Variants in RYK observed in about 807,000 individuals in gnomAD.
RYK encodes inactive tyrosine-protein kinase RYK.
In RYK, 21 loss-of-function variants were observed where a neutral mutation model predicts 70.2. The ratio of observed to expected loss-of-function variants is 0.30; its 90% CI spans 0.21 to 0.43. The LOEUF (loss-of-function observed/expected upper bound fraction) is 0.43. Ranked by LOEUF, RYK falls within the 20% of genes least tolerant of loss-of-function variation. RYK has a pLI of 1.00. For synonymous variants in RYK, 267 were observed against 278.0 expected (o/e 0.96, Z 0.39); for missense variants, 604 against 753.3 (o/e 0.80, Z 2.32).
chr3:134,226,485 C>T (rs2014914187), intron 1 of RYK, among the ~76,000 whole-genome samples: 1 of 152,142 alleles, frequency 6.6e-6, no homozygotes, highest in African/African-American at 2.4e-5. Context: ...TACTTCCTAA[C>T]TCATCTGATG....
rs1159348285 is a variant in RYK, at chr3:134,159,509, AT to A, written c.1576-137del. On this transcript the variant is annotated intron_variant, in intron 13 of 14. Coordinates refer to ENST00000623711, the MANE Select transcript of RYK (RefSeq NM_002958.4). ...AAAGCGAAATGTTATTTACAAAAAAATGTCTATCATACACAGTTAGTTTCCC... is the reference window on the plus strand; with the variant it reads ...AAAGCGAAATGTTATTTACAAAAAAAGTCTATCATACACAGTTAGTTTCCC... The A allele has an allele frequency of 4.0e-6, 3 of 751,562 alleles. No homozygotes were observed. In the African/African-American group the frequency reaches 5.3e-5, roughly 13 times the overall value. The allele number at this position is 751,562 out of a possible 1,614,324, so 46.6% of individuals were successfully genotyped here.
chr3:134,244,120 G>A (rs1368151403), intron 1 of RYK, among the ~76,000 whole-genome samples: 2 of 152,096 alleles, frequency 1.3e-5, no homozygotes, highest in Non-Finnish European at 1.5e-5. Context: ...TTTCTAACTG[G>A]TGGGAGATGG....
chr3:134,182,926 A>C (rs969258689), intron 10 of RYK, 76 bp downstream of exon 10: 1 of 852,416 alleles, frequency 1.2e-6, no homozygotes, highest in Non-Finnish European at 1.8e-6. Context: ...AAGTCATCAC[A>C]ATGTTCTGCA....
intron 2 of RYK, among the ~76,000 whole-genome samples, chr3:134,212,701 T>A (rs1311491682): frequency 6.6e-6 from 1 of 152,022 alleles, no homozygotes; most frequent in Non-Finnish European, 1.5e-5. Context: ...GCTAACGAAA[T>A]GGTACATAAT....
intron 2 of RYK, among the ~76,000 whole-genome samples, chr3:134,216,041 A>G (rs2014542383): frequency 6.6e-6 from 1 of 151,764 alleles, no homozygotes; most frequent in Admixed American, 6.6e-5. Flanking sequence ...GTCTCAAAAA[A>G]AAAAAGAAAA....
At chr3:134,186,064 A>C (rs2013448262) in intron 9 of RYK, among the ~76,000 whole-genome samples, 1 of 152,214 alleles carries the variant, frequency 6.6e-6, no homozygotes, top group African/African-American at 2.4e-5. Flanking sequence ...TAAAAGTTAC[A>C]AGGATGCACA....
In RYK at chr3:134,250,435, G is replaced by A; in HGVS notation, c.220C>T (p.Arg74Cys). 7.1e-7 allele frequency: 1 copy of A among 1,406,312 alleles called. No individual in the cohort carries two copies. Among genetic ancestry groups the A allele is most frequent in the South Asian group, 1.5e-5 (1 of 67,768 alleles). 87.1% of individuals were successfully genotyped at this position (1,406,312 alleles called of 1,614,324 possible). A position where few individuals can be genotyped will look rare whatever the true frequency, so the allele number is the denominator to read the frequency against. ...VSLYLSEDEV[R>C]RLIGLDAELY... is the part of the protein sequence containing the mutation. Reference sequence around the variant, plus strand: ...CGGCCCCACTCACCGATCAGCCGGCGCACCTCGTCCTCGCTCAGGTAGAGA... The same window carrying A: ...CGGCCCCACTCACCGATCAGCCGGCACACCTCGTCCTCGCTCAGGTAGAGA... Residue 74 changes from arginine to cysteine, a missense_variant, in exon 1 of 15, where the codon CGC (arginine) becomes TGC (cysteine). This residue lies in a region of RYK where 466 missense variants were observed against 535.9 expected (regional missense o/e 0.87). Coordinates refer to ENST00000623711, the MANE Select transcript of RYK (RefSeq NM_002958.4).
chr3:134,226,141 C>A (rs1378868382), intron 1 of RYK, among the ~76,000 whole-genome samples: 1 of 151,904 alleles, frequency 6.6e-6, no homozygotes, highest in East Asian at 1.9e-4. Flanking sequence ...AAACCCTTCA[C>A]AAGGCTGATC....
chr3:134,245,831 C>T (rs947323782), intron 1 of RYK, among the ~76,000 whole-genome samples: 4 of 152,064 alleles, frequency 2.6e-5, no homozygotes, highest in East Asian at 1.9e-4. Context: ...TGTTGATATT[C>T]GGGGCAGACT....
chr3:134,165,745 G>T (rs369352205), intron 13 of RYK, among the ~76,000 whole-genome samples: 1 of 152,130 alleles, frequency 6.6e-6, no homozygotes, highest in Admixed American at 6.5e-5. Context: ...TTGTTTGTTC[G>T]GTTAGGTTTT....
intron 2 of RYK, among the ~76,000 whole-genome samples, chr3:134,216,946 AAAAG>A (rs1343947268): frequency 6.6e-6 from 1 of 152,156 alleles, no homozygotes; most frequent in Non-Finnish European, 1.5e-5. Flanking sequence ...GGTCTTGTGA[AAAAG>A]AAGCAATACC....
In RYK at chr3:134,201,801, G is replaced by A. The variant is rs146646896; in HGVS notation, c.788+929C>T. Among the ~76,000 whole-genome samples, 611 of 152,328 alleles carry A rather than the reference G, an allele frequency of 4.0e-3. 7 individuals carry two copies. The highest frequency in any genetic ancestry group is 0.013 in the African/African-American group (541 of 41,584). On this transcript the variant is annotated intron_variant, in intron 6 of 14. Transcript: ENST00000623711. ...AAGGTTCAAAGAGTATGGATGATAC[G>A]TCTCCACATAAAGGAGGGCTTTCAA...
At chr3:134,218,579 T>A (rs1028226818) in intron 2 of RYK, among the ~76,000 whole-genome samples, 2 of 152,190 alleles carry the variant, frequency 1.3e-5, no homozygotes, top group Non-Finnish European at 2.9e-5. Flanking sequence ...ACAGCAGCAC[T>A]GTGACAGGTC....
At chr3:134,169,370 T>A (rs1056858060) in intron 13 of RYK, among the ~76,000 whole-genome samples, 1 of 152,060 alleles carries the variant, frequency 6.6e-6, no homozygotes. Flanking sequence ...AAGATGTAAA[T>A]CAAGAACTCT....
chr3:134,228,513 T>A (rs1177969254), intron 1 of RYK, among the ~76,000 whole-genome samples: 2 of 152,038 alleles, frequency 1.3e-5, no homozygotes, highest in African/African-American at 2.4e-5. Flanking sequence ...ATTCAACTTT[T>A]AAAAAAATGG....
At chr3:134,175,847 C>T in intron 12 of RYK, 79 bp from the exon 13 acceptor site, 2 of 1,561,406 alleles carry the variant, frequency 1.3e-6, no homozygotes, top group South Asian at 1.1e-5. Flanking sequence ...AAATACAACA[C>T]AAGTCCCACT....
At chr3:134,191,808 T>A (rs1245592839) in intron 8 of RYK, 41 bp downstream of exon 8, 2 of 1,550,934 alleles carry the variant, frequency 1.3e-6, no homozygotes, top group Non-Finnish European at 1.8e-6. Context: ...AGTGGTAACA[T>A]TAAATCATAC....
rs992392747 is a variant in RYK at position 134,224,599 on chromosome 3, C to T, written c.233-2060G>A. Among the ~76,000 whole-genome samples the T allele has an allele frequency of 2.0e-5, 3 of 152,292 alleles. No homozygotes were observed. The South Asian group carries it at 6.2e-4, about 32-fold the overall frequency. ...TGGAGCAGAGTCTTCTCTAACTCCC[C>T]CGGGGAAAGGGAGAGTCCCTTTCCT... On this transcript the variant is annotated intron_variant, in intron 1 of 14. Transcript: ENST00000623711.
chr3:134,216,662 G>A (rs752780950), intron 2 of RYK, among the ~76,000 whole-genome samples: 41 of 151,554 alleles, frequency 2.7e-4, no homozygotes, highest in African/African-American at 9.4e-4. Flanking sequence ...GCATGGTAGC[G>A]GGCGCCTGTT....
Sources: gnomAD v4.1 joint callset for allele counts (sites outside exome capture counted in the v4.1 genomes callset) on GRCh38, gnomAD v4.1.1 for gene constraint, gnomAD v4.1.1 regional missense constraint, MANE v1.5 for transcripts, NCBI Gene and HGNC (gene_info 2026-07-23, HGNC 2026-07-21) for gene names.